Variants in FARSA observed in about 807,000 individuals in gnomAD.
FARSA encodes phenylalanyl-tRNA synthetase subunit alpha.
A neutral mutation model predicts 63.2 loss-of-function variants in FARSA; 37 were observed. The ratio of observed to expected loss-of-function variants is 0.59; its 90% confidence interval spans 0.45 to 0.77. FARSA has a LOEUF of 0.77. Ranked by LOEUF, FARSA falls within the 30% of genes least tolerant of loss-of-function variation. The pLI, the probability that FARSA is intolerant of heterozygous loss-of-function variation, is 0.00. For missense variants in FARSA, 618 were observed against 696.6 expected (o/e 0.89, Z 1.27); for synonymous variants, 312 against 285.1 (o/e 1.09, Z -0.95).
intron 1 of FARSA, among the ~76,000 whole-genome samples, chr19:12,931,239 G>C (rs576256398): frequency 6.6e-6 from 1 of 152,262 alleles, no homozygotes; most frequent in South Asian, 2.1e-4. Context: ...CTACAGGCAT[G>C]TGCCGCCACA....
chr19:12,933,319 T>TCAAAAAA, intron 1 of FARSA: 1 of 536,740 alleles, frequency 1.9e-6, no homozygotes, highest in Admixed American at 3.8e-5. Context: ...TCGTCCATCA[T>TCAAAAAA]CGTACCCTCT....
At chr19:12,925,228 T>A (rs758965202) in intron 7 of FARSA, 54 bp from the exon 8 acceptor site, 70 of 1,458,388 alleles carry the variant, frequency 4.8e-5, no homozygotes, top group Non-Finnish European at 6.0e-5. Context: ...CCACCCCTTT[T>A]TTTTTTTCAG....
intron 4 of FARSA, among the ~76,000 whole-genome samples, chr19:12,929,355 C>T (rs558184090): frequency 5.8e-4 from 88 of 152,106 alleles, no homozygotes; most frequent in African/African-American, 1.9e-3. Flanking sequence ...TACAGGCACC[C>T]GCCACCACAC....
rs1971296420 is a variant in FARSA at position 12,924,093 on chromosome 19, A to G, written c.1388+58T>C. ...TGGTGCTGAAACCACGCAGGCCCCT[A>G]TACCTGGAGAGTTATTTGAGGCAGC... is the stretch of plus-strand genomic sequence containing the variant. On this transcript the variant is annotated intron_variant, in intron 12 of 12. Coordinates refer to ENST00000314606, the MANE Select transcript of FARSA (RefSeq NM_004461.3). The surrounding 1 kb of genome is among the most constrained non-coding windows in gnomAD (Gnocchi z 6.4). 2 of 1,373,050 alleles carry G rather than the reference A, an allele frequency of 1.5e-6. No individual in the cohort carries two copies. Among genetic ancestry groups the G allele is most frequent in the Middle Eastern group, 3.6e-4 (2 of 5,608 alleles). 85.1% of individuals were successfully genotyped at this position (1,373,050 alleles called of 1,614,324 possible). A position where few individuals can be genotyped will look rare whatever the true frequency, so the allele number is the denominator to read the frequency against.
At chr19:12,933,470 T>C in intron 1 of FARSA, 80 bp downstream of exon 1, 2 of 1,484,110 alleles carry the variant, frequency 1.3e-6, no homozygotes. Context: ...TGAGGGAATT[T>C]GGCTTGGACG....
intron 4 of FARSA, 33 bp downstream of exon 4, chr19:12,930,190 G>C (rs1168020437): frequency 1.3e-6 from 2 of 1,545,762 alleles, no homozygotes; most frequent in Non-Finnish European, 1.8e-6. Flanking sequence ...CGCAGGTGGT[G>C]GGGGCCTGAG....
chr19:12,933,288 A>T, intron 1 of FARSA: 4 of 409,712 alleles, frequency 9.8e-6, no homozygotes, highest in South Asian at 5.9e-5. Context: ...AACCTGCGTG[A>T]GGGCAGCAAC....
chr19:12,929,120 G>A (rs1190410664), intron 4 of FARSA, among the ~76,000 whole-genome samples: 1 of 152,184 alleles, frequency 6.6e-6, no homozygotes, highest in Non-Finnish European at 1.5e-5. Context: ...ACTAGGGAAA[G>A]TCTAGCAGAT....
intron 1 of FARSA, among the ~76,000 whole-genome samples, chr19:12,931,954 T>C (rs1348116222): frequency 1.3e-5 from 2 of 152,176 alleles, no homozygotes; most frequent in East Asian, 3.8e-4. Flanking sequence ...TGATGGGTTC[T>C]ACCTCAGATG....
rs756571543 is a variant in FARSA, at chr19:12,928,772, G to GCT, written c.577_578dup (p.Ser193ArgfsTer5). On this transcript the variant is annotated frameshift_variant, in exon 5 of 13. Transcript: ENST00000314606. LOFTEE classifies it high-confidence loss of function. ...CCTGCTACCTGGAGATCATCTCTGG[G>GCT]CTCAGCTCTGTCTCTTGCTTGGAGA... 3 of 1,614,062 alleles carry GCT rather than the reference G, an allele frequency of 1.9e-6. No individual in the cohort carries two copies. In the African/African-American group the frequency reaches 4.0e-5, roughly 22 times the overall value.
In FARSA at chr19:12,924,475, C is replaced by T. The variant is rs1329642849; in HGVS notation, c.1247G>A (p.Ser416Asn). The change falls in exon 11 of 13, where the codon AGC (serine) becomes AAC (asparagine). Residue 416 changes from serine to asparagine, a missense_variant. By Grantham distance (46) the Ser-to-Asn change is conservative. Transcript: ENST00000314606. This position sits in a 1 kb window ranked among gnomAD's most constrained non-coding sequence, Gnocchi z 6.4. ...TTGGTGGTAGCTGAACACCTCCATG[C>T]TGGGCTCTGTGTATGGGTTGTAGGC... is the stretch of plus-strand genomic sequence containing the variant. Reference protein sequence around the residue: ...KPAYNPYTEPSMEVFSYHQGL... With the variant: ...KPAYNPYTEPNMEVFSYHQGL... 2 of 1,613,550 alleles carry T rather than the reference C, an allele frequency of 1.2e-6. No individual in the cohort carries two copies. The highest frequency in any genetic ancestry group is 1.7e-6 in the Non-Finnish European group (2 of 1,180,018).
intron 7 of FARSA, among the ~76,000 whole-genome samples, chr19:12,926,181 A>G (rs547538685): frequency 1.3e-5 from 2 of 149,738 alleles, no homozygotes; most frequent in Admixed American, 6.7e-5. Flanking sequence ...GTTGGCCAGG[A>G]TGGTCTCGAT....
intron 7 of FARSA, among the ~76,000 whole-genome samples, chr19:12,927,827 C>A (rs1033087344): frequency 6.7e-6 from 1 of 149,666 alleles, no homozygotes; most frequent in Non-Finnish European, 1.5e-5. Flanking sequence ...TTTGAGACCA[C>A]CCTGGCCAAC....
intron 4 of FARSA, among the ~76,000 whole-genome samples, chr19:12,929,286 A>C (rs1971364717): frequency 6.6e-6 from 1 of 152,174 alleles, no homozygotes; most frequent in African/African-American, 2.4e-5. Flanking sequence ...AGCTCACTGC[A>C]TCCTCCACCT....
chr19:12,924,203 T>C lies in FARSA; in HGVS notation c.1336A>G (p.Met446Val). 6 of 1,614,120 alleles carry C rather than the reference T, an allele frequency of 3.7e-6. No individual in the cohort carries two copies. Among genetic ancestry groups the C allele is most frequent in the African/African-American group, 1.3e-5 (1 of 75,038 alleles). ...ACCGACACGTTCTCGGGAAGCCCCA[T>C]GGGCAGCAGCATCTCTGGACGGAAG... ...GVFRPEMLLPMGLPENVSVIA... is the reference protein window; with the variant it reads ...GVFRPEMLLPVGLPENVSVIA... Residue 446 changes from methionine to valine, a missense_variant, in exon 12 of 13, where the codon ATG (methionine) becomes GTG (valine). Met to Val is a conservative substitution (Grantham distance 21, BLOSUM62 1). Coordinates refer to ENST00000314606, the MANE Select transcript of FARSA (RefSeq NM_004461.3). The surrounding 1 kb of genome is among the most constrained non-coding windows in gnomAD (Gnocchi z 6.4).
chr19:12,932,584 T>C (rs1013783958), intron 1 of FARSA, among the ~76,000 whole-genome samples: 2 of 152,244 alleles, frequency 1.3e-5, no homozygotes, highest in South Asian at 2.1e-4. Flanking sequence ...TGACCATCAG[T>C]TGTCACATCT....
At position 12,924,290 on chromosome 19, in the gene FARSA, G is replaced by C; in HGVS notation, c.1274-25C>G. The C allele has an allele frequency of 6.2e-7, 1 of 1,600,140 alleles. No homozygotes were observed. On this transcript the variant is annotated intron_variant, in intron 11 of 12. Transcript: ENST00000314606. The surrounding 1 kb of genome is among the most constrained non-coding windows in gnomAD (Gnocchi z 6.4). Reference sequence around the variant, plus strand: ...CCTGCAGAGGCAGGACAGAAAAGACGGGCAGTGCGTGTTGAGTTTCTGGGC... The same window carrying C: ...CCTGCAGAGGCAGGACAGAAAAGACCGGCAGTGCGTGTTGAGTTTCTGGGC...
chr19:12,930,084 G>A (rs915184474), intron 4 of FARSA, 139 bp downstream of exon 4: 1 of 702,954 alleles, frequency 1.4e-6, no homozygotes, highest in South Asian at 1.7e-5. Context: ...ACGTAGGCTT[G>A]ACAACTATGG....
chr19:12,933,345 G>T, intron 1 of FARSA: 1 of 588,126 alleles, frequency 1.7e-6, no homozygotes, highest in Non-Finnish European at 2.9e-6. Context: ...CGCTGACCGT[G>T]CCTCAATAAA....
Sources: gnomAD v4.1 joint callset for allele counts (sites outside exome capture counted in the v4.1 genomes callset) on GRCh38, gnomAD v4.1.1 for gene constraint, Gnocchi (gnomAD v3.1) non-coding constraint, MANE v1.5 for transcripts, NCBI Gene and HGNC (gene_info 2026-07-23, HGNC 2026-07-21) for gene names.